Variants in SMARCA2 observed in about 807,000 individuals in gnomAD.
The protein encoded by SMARCA2 is SWI/SNF related BAF chromatin remodeling complex subunit ATPase 2.
Under a neutral mutation model 199.8 loss-of-function variants are expected in SMARCA2, and 61 were observed. The ratio of observed to expected loss-of-function variants is 0.31; its 90% CI spans 0.25 to 0.38. SMARCA2 has a LOEUF of 0.38. Among genes scored for constraint, SMARCA2 ranks in the 10% least tolerant of loss-of-function variants. The pLI, the probability that SMARCA2 is intolerant of heterozygous loss-of-function variation, is 1.00. For missense variants in SMARCA2, 1,344 were observed against 2,012.2 expected (o/e 0.67, Z 6.35); for synonymous variants, 935 against 732.0 (o/e 1.28, Z -4.48).
At chr9:2,073,705 T>G (rs751032397) in intron 12 of SMARCA2, 82 bp downstream of exon 12, 4 of 1,022,116 alleles carry the variant, frequency 3.9e-6, no homozygotes, top group Non-Finnish European at 6.0e-6. Context: ...AGCCCGGGCC[T>G]TGGGTCCTTC....
chr9:2,166,403 T>G (rs1056434369), intron 28 of SMARCA2, among the ~76,000 whole-genome samples: 2 of 152,186 alleles, frequency 1.3e-5, no homozygotes, highest in Non-Finnish European at 1.5e-5. Flanking sequence ...AATATGTGAC[T>G]TCTTGAAATA....
intron 9 of SMARCA2, among the ~76,000 whole-genome samples, chr9:2,066,135 A>C (rs915876270): frequency 2.0e-5 from 3 of 152,242 alleles, no homozygotes; most frequent in African/African-American, 7.2e-5. Flanking sequence ...AGCAAAACAG[A>C]ATGGATACTT....
intron 28 of SMARCA2, among the ~76,000 whole-genome samples, chr9:2,163,313 T>C (rs764655102): frequency 6.6e-6 from 1 of 152,230 alleles, no homozygotes; most frequent in Non-Finnish European, 1.5e-5. Flanking sequence ...CCTTTAAGGC[T>C]TCTGAAGTGG....
intron 12 of SMARCA2, among the ~76,000 whole-genome samples, 179 bp downstream of exon 12, chr9:2,073,802 C>T (rs1427676798): frequency 6.6e-6 from 1 of 152,160 alleles, no homozygotes; most frequent in Non-Finnish European, 1.5e-5. Flanking sequence ...CCTAGTGGTA[C>T]AGTGATCTCT....
intron 22 of SMARCA2, 143 bp from the exon 23 acceptor site, chr9:2,103,860 T>TATTC (rs112696356): frequency 7.5e-5 from 49 of 657,234 alleles, no homozygotes; most frequent in African/African-American, 6.5e-4. Context: ...TTGGAGTTCA[T>TATTC]ATTCATTCAT....
chr9:2,019,676 A>G lies in SMARCA2; in HGVS notation c.-37+4272A>G, dbSNP rs1286483782. On this transcript the variant is annotated intron_variant, in intron 1 of 33. Coordinates refer to ENST00000349721, the MANE Select transcript of SMARCA2 (RefSeq NM_003070.5). ...CTACAGGCCAGTATAAAAGCATATC[A>G]CATCCTTTTCTAAAAGGTAATTGTG... Among the ~76,000 whole-genome samples the G allele has an allele frequency of 2.6e-5, 4 of 152,162 alleles. 1 individual carries two copies. The highest frequency in any genetic ancestry group is 5.9e-5 in the Non-Finnish European group (4 of 68,024).
intron 29 of SMARCA2, among the ~76,000 whole-genome samples, chr9:2,172,165 C>T: frequency 6.6e-6 from 1 of 152,026 alleles, no homozygotes; most frequent in East Asian, 1.9e-4. Context: ...TGAATTAACC[C>T]TTTCTTCAGA....
chr9:2,104,321 C>T lies in SMARCA2; in HGVS notation c.3292+152C>T, dbSNP rs1055812139. ...AGTTTTTCTAGATAGCAATTTTTTGCATCCTTAAGCTTTAAATAAGCTGAC... is the reference window on the plus strand; with the variant it reads ...AGTTTTTCTAGATAGCAATTTTTTGTATCCTTAAGCTTTAAATAAGCTGAC... On this transcript the variant is annotated intron_variant, in intron 23 of 33. Coordinates refer to ENST00000349721, the MANE Select transcript of SMARCA2 (RefSeq NM_003070.5). The surrounding 1 kb of genome is among the most constrained non-coding windows in gnomAD (Gnocchi z 4.0). 13 of 649,882 alleles carry T rather than the reference C, an allele frequency of 2.0e-5. No homozygotes were observed. The highest frequency in any genetic ancestry group is 3.3e-5 in the Non-Finnish European group (13 of 389,280). The allele number at this position is 649,882 out of a possible 1,614,324, so 40.3% of individuals were successfully genotyped here.
At chr9:2,186,851 T>G (rs1827494350) in intron 32 of SMARCA2, among the ~76,000 whole-genome samples, 1 of 116,566 alleles carries the variant, frequency 8.6e-6, no homozygotes, top group South Asian at 2.7e-4. Flanking sequence ...AATGTTGCCT[T>G]TGAATATTAG....
chr9:2,077,011 G>C (rs1444913236), intron 13 of SMARCA2, among the ~76,000 whole-genome samples: 1 of 152,126 alleles, frequency 6.6e-6, no homozygotes, highest in African/African-American at 2.4e-5. Context: ...CCATGGTTGT[G>C]TGCCCCACTT....
chr9:2,158,888 T>C, intron 27 of SMARCA2: 2 of 1,581,294 alleles, frequency 1.3e-6, no homozygotes, highest in Non-Finnish European at 1.7e-6. Flanking sequence ...AAGCACTGCA[T>C]ATGGATGTGT....
rs183624392 is a variant in SMARCA2 at position 2,170,091 on chromosome 9, C to G, written c.4200-328C>G. 6.6e-6 allele frequency among the ~76,000 whole-genome samples: 1 copy of G among 152,176 alleles called. No homozygotes were observed. Among genetic ancestry groups the G allele is most frequent in the Non-Finnish European group, 1.5e-5 (1 of 68,034 alleles). On this transcript the variant is annotated intron_variant, in intron 28 of 33. Coordinates refer to ENST00000349721, the MANE Select transcript of SMARCA2 (RefSeq NM_003070.5). The surrounding 1 kb of genome is among the most constrained non-coding windows in gnomAD (Gnocchi z 4.7). ...CTAGCACTACCTTCCCAAGATCACA[C>G]GCACCTCTAGCCAGTGGCTGCCTGT...
intron 14 of SMARCA2, among the ~76,000 whole-genome samples, chr9:2,081,108 C>G (rs1326528216): frequency 6.6e-6 from 1 of 152,184 alleles, no homozygotes; most frequent in Non-Finnish European, 1.5e-5. Flanking sequence ...AATCCAGCAT[C>G]TGTGGTATGA....
At chr9:2,147,758 A>G (rs1413587161) in intron 27 of SMARCA2, among the ~76,000 whole-genome samples, 1 of 151,344 alleles carries the variant, frequency 6.6e-6, no homozygotes, top group Admixed American at 6.6e-5. Flanking sequence ...GAGGCAGGGA[A>G]AATTGCTTGA....
At chr9:2,063,291 T>A (rs1030363549) in intron 9 of SMARCA2, among the ~76,000 whole-genome samples, 1 of 152,222 alleles carries the variant, frequency 6.6e-6, no homozygotes, top group South Asian at 2.1e-4. Context: ...CAGTTCCAGA[T>A]GCACTTTTAT....
intron 17 of SMARCA2, among the ~76,000 whole-genome samples, chr9:2,084,924 G>A (rs971090560): frequency 2.0e-5 from 3 of 152,012 alleles, no homozygotes; most frequent in Admixed American, 6.6e-5. Context: ...GCTCTCTTTC[G>A]TGGAACAAAT....
chr9:2,135,606 A>G (rs868153963), intron 27 of SMARCA2, among the ~76,000 whole-genome samples: 83 of 152,316 alleles, frequency 5.4e-4, no homozygotes, highest in African/African-American at 1.9e-3. Context: ...CAGTGGTGCA[A>G]TCTTGGCTCA....
chr9:2,175,106 G>A (rs890655081), intron 29 of SMARCA2, among the ~76,000 whole-genome samples: 1 of 152,032 alleles, frequency 6.6e-6, no homozygotes, highest in Admixed American at 6.6e-5. Flanking sequence ...ATGGCCGGCT[G>A]AGGAAGCTGC....
At chr9:2,082,107 A>C in intron 15 of SMARCA2, 112 bp downstream of exon 15, 1 of 846,622 alleles carries the variant, frequency 1.2e-6, no homozygotes, top group Non-Finnish European at 1.8e-6. Context: ...TACTAACCTA[A>C]ATCCAGATTA....
Sources: allele counts gnomAD v4.1 joint callset (sites outside exome capture counted in the v4.1 genomes callset), GRCh38; gene constraint gnomAD v4.1.1; non-coding constraint Gnocchi (gnomAD v3.1); transcripts MANE v1.5; gene names NCBI Gene and HGNC (gene_info 2026-07-23, HGNC 2026-07-21).